The following CUBN variants were observed in gnomAD, a reference collection of about 807,000 sequenced individuals.
CUBN encodes cubilin.
In CUBN, 282 loss-of-function variants were observed where a neutral mutation model predicts 405.3. The ratio of observed to expected loss-of-function variants is 0.70; its 90% CI spans 0.63 to 0.77. The LOEUF is 0.77. Ranked by LOEUF, CUBN falls within the 30% of genes least tolerant of loss-of-function variation. The probability of loss-of-function intolerance (pLI) is 0.00; values close to 1 mark genes in which losing one functional copy is unlikely to be tolerated. For missense variants in CUBN, 4,514 were observed against 4,475.2 expected, an observed-to-expected ratio of 1.01 and a Z score of -0.25; for synonymous variants, 1,684 against 1,617.0, an observed-to-expected ratio of 1.04 and a Z score of -0.99.
chr10:16,880,739 C>T lies in CUBN; in HGVS notation c.8906-3642G>A, dbSNP rs145595675. 3.6e-3 allele frequency among the ~76,000 whole-genome samples: 544 copies of T among 152,294 alleles called. 2 individuals carry two copies. Among genetic ancestry groups the T allele is most frequent in the Middle Eastern group, 0.014 (4 of 294 alleles). On this transcript the variant is annotated intron_variant, in intron 56 of 66. Coordinates refer to ENST00000377833, the MANE Select transcript of CUBN (RefSeq NM_001081.4). ...ATTTTAAGAATACATTCAGCTCCTTCGCTAAGTTTCTATTCAGCCTGCAGA... is the reference window on the plus strand; with the variant it reads ...ATTTTAAGAATACATTCAGCTCCTTTGCTAAGTTTCTATTCAGCCTGCAGA...
At chr10:16,907,431 G>C (rs1032030537) in intron 49 of CUBN, 77 bp downstream of exon 49, 2 of 1,421,362 alleles carry the variant, frequency 1.4e-6, no homozygotes, top group African/African-American at 2.8e-5. Context: ...GGATGGCTCT[G>C]CTGCCATTGG....
chr10:16,956,009 A>C (rs1299447638), intron 31 of CUBN, among the ~76,000 whole-genome samples: 1 of 149,806 alleles, frequency 6.7e-6, no homozygotes. Flanking sequence ...TTTCATAAGA[A>C]AATCTTGGGG....
intron 28 of CUBN, among the ~76,000 whole-genome samples, chr10:17,016,834 A>G (rs1295978320): frequency 1.3e-5 from 2 of 152,156 alleles, no homozygotes; most frequent in Non-Finnish European, 2.9e-5. Flanking sequence ...TGGGATGTAA[A>G]TTGCAAGCTT....
intron 58 of CUBN, among the ~76,000 whole-genome samples, chr10:16,872,869 C>T (rs1431890046): frequency 6.6e-6 from 1 of 152,174 alleles, no homozygotes; most frequent in East Asian, 1.9e-4. Context: ...GTCCCCAAGA[C>T]CTAAAAGACA....
rs1837200886 is a variant in CUBN at position 17,126,754 on chromosome 10, G to A, written c.387+7C>T. 6.2e-7 allele frequency: 1 copy of A among 1,613,798 alleles called. No homozygotes were observed. Among genetic ancestry groups the A allele is most frequent in the Non-Finnish European group, 8.5e-7 (1 of 1,179,814 alleles). Reference sequence around the variant, plus strand: ...AAGATTTGGGTATGTAGTAGCATGAGACCTACCTGCTGCAAGCCTTGGAAT... The same window carrying A: ...AAGATTTGGGTATGTAGTAGCATGAAACCTACCTGCTGCAAGCCTTGGAAT... On this transcript the variant is annotated splice_region_variant and intron_variant, in intron 4 of 66. Transcript: ENST00000377833.
rs933356956 is a variant in CUBN at position 16,882,620 on chromosome 10, C to T, written c.8906-5523G>A. Among the ~76,000 whole-genome samples the T allele has an allele frequency of 3.3e-5, 5 of 152,124 alleles. No homozygotes were observed. In the South Asian group the frequency reaches 8.3e-4, roughly 25 times the overall value. ...GTTTTTCTCCAAAGTGGGGGGAGGG[C>T]GTGGGCCGAGACACCAAAGAGGACT... On this transcript the variant is annotated intron_variant, in intron 56 of 66. Coordinates refer to ENST00000377833, the MANE Select transcript of CUBN (RefSeq NM_001081.4).
intron 54 of CUBN, among the ~76,000 whole-genome samples, chr10:16,891,249 T>TA (rs1271508150): frequency 6.6e-6 from 1 of 152,168 alleles, no homozygotes; most frequent in Non-Finnish European, 1.5e-5. Context: ...AACCAATTCT[T>TA]ATCAGTCCAG....
At chr10:16,912,391 C>G (rs1252511283) in intron 48 of CUBN, among the ~76,000 whole-genome samples, 1 of 152,096 alleles carries the variant, frequency 6.6e-6, no homozygotes, top group Non-Finnish European at 1.5e-5. Context: ...CAGTGAATCC[C>G]CAGCAGTGAA....
rs60166274 is a variant in CUBN at position 16,965,576 on chromosome 10, T to TAAAAA, written c.4696-11033_4696-11029dup. ...TCAGTAATATCTGTATTTTTATTTC[T>TAAAAA]AAAAAAAAAAAAAAAACAGGAATAT... On this transcript the variant is annotated intron_variant, in intron 31 of 66. Coordinates refer to ENST00000377833, the MANE Select transcript of CUBN (RefSeq NM_001081.4). 2.8e-4 allele frequency: 39 copies of TAAAAA among 138,384 alleles called. 1 individual carries two copies. The highest frequency in any genetic ancestry group is 6.7e-4 in the African/African-American group (25 of 37,288). The allele number at this position is 138,384 out of a possible 1,614,324, so 8.6% of individuals were successfully genotyped here.
intron 14 of CUBN, among the ~76,000 whole-genome samples, chr10:17,092,123 C>T (rs1836271855): frequency 1.3e-5 from 2 of 152,162 alleles, no homozygotes. Flanking sequence ...AGGAAACAGA[C>T]TGTAGCACCA....
At chr10:16,941,928 C>A (rs950410029) in intron 36 of CUBN, among the ~76,000 whole-genome samples, 5 of 151,896 alleles carry the variant, frequency 3.3e-5, no homozygotes, top group African/African-American at 1.2e-4. Context: ...ATTTATCTAG[C>A]AAGGGACTCA....
chr10:16,911,669 C>G (rs555862287), intron 48 of CUBN, among the ~76,000 whole-genome samples: 6 of 152,246 alleles, frequency 3.9e-5, no homozygotes, highest in African/African-American at 1.2e-4. Flanking sequence ...TGTGAATACT[C>G]TGCTTGTAAA....
rs767952803 is a variant in CUBN at position 16,869,710 on chromosome 10, C to G, written c.9380G>C (p.Ser3127Thr). The change falls in exon 59 of 67, where the codon AGT becomes ACT. Residue 3127 changes from serine to threonine, a missense_variant. Ser to Thr is a moderately conservative substitution (Grantham distance 58, BLOSUM62 1). This residue lies in a region of CUBN where 1,186 missense variants were observed against 1,186.9 expected (regional missense o/e 1.00). Transcript: ENST00000377833. ...ATCTGTCTTGAACACCAGGAGCATA[C>G]TATTATTGCTGCTCTTCACATTTGG... The part of the protein sequence containing the change: ...RPPNVKSSNN[S>T]MLLVFKTDSF... 6.2e-7 allele frequency: 1 copy of G among 1,614,026 alleles called. No individual in the cohort carries two copies. The highest frequency in any genetic ancestry group is 1.3e-5 in the African/African-American group (1 of 74,984).
At chr10:17,047,106 T>G (rs1423597607) in intron 23 of CUBN, among the ~76,000 whole-genome samples, 1 of 152,174 alleles carries the variant, frequency 6.6e-6, no homozygotes, top group Non-Finnish European at 1.5e-5. Flanking sequence ...AAAGTAGGTA[T>G]TCAACAGTAG....
intron 58 of CUBN, among the ~76,000 whole-genome samples, chr10:16,872,659 CT>C: frequency 6.6e-6 from 1 of 152,268 alleles, no homozygotes; most frequent in East Asian, 1.9e-4. Context: ...CTTTTGCAGC[CT>C]TTTGTTGTTT....
At chr10:16,851,632 C>A (rs895004242) in intron 59 of CUBN, among the ~76,000 whole-genome samples, 189 bp from the exon 60 acceptor site, 1 of 148,502 alleles carries the variant, frequency 6.7e-6, no homozygotes, top group Non-Finnish European at 1.5e-5. Context: ...TCCCCCCACC[C>A]GCCCCATCTC....
At chr10:16,846,195 A>G (rs1205548749) in intron 60 of CUBN, among the ~76,000 whole-genome samples, 1 of 152,168 alleles carries the variant, frequency 6.6e-6, no homozygotes, top group Non-Finnish European at 1.5e-5. Flanking sequence ...GTTTGTTTTG[A>G]GTTTTTCCAC....
intron 30 of CUBN, among the ~76,000 whole-genome samples, chr10:16,983,146 A>G (rs1833323195): frequency 6.6e-6 from 1 of 152,150 alleles, no homozygotes; most frequent in Non-Finnish European, 1.5e-5. Context: ...TGTTAGTTCA[A>G]TGTCTTCTCT....
chr10:17,030,993 G>A (rs1237696822), intron 27 of CUBN, among the ~76,000 whole-genome samples: 1 of 152,096 alleles, frequency 6.6e-6, no homozygotes, highest in Non-Finnish European at 1.5e-5. Context: ...TAATAATAGA[G>A]AGTAACCAAA....
Sources: gnomAD v4.1 joint callset for allele counts (sites outside exome capture counted in the v4.1 genomes callset) on GRCh38, gnomAD v4.1.1 for gene constraint, gnomAD v4.1.1 regional missense constraint, MANE v1.5 for transcripts, NCBI Gene and HGNC (gene_info 2026-07-23, HGNC 2026-07-21) for gene names.